Variants in OXSR1 observed in about 807,000 individuals in gnomAD.
OXSR1 encodes the protein serine/threonine-protein kinase OSR1.
Under a neutral mutation model 79.8 loss-of-function variants are expected in OXSR1, and 24 were observed. The observed-to-expected ratio is 0.30, with a 90% confidence interval of 0.22 to 0.42. The LOEUF is 0.42. Ranked by LOEUF, OXSR1 falls within the 10% of genes least tolerant of loss-of-function variation. The pLI is 1.00. For missense variants in OXSR1, 430 were observed against 618.4 expected (o/e 0.70, Z 3.23); for synonymous variants, 226 against 209.2 (o/e 1.08, Z -0.69).
At chr3:38,180,525 CTTTTTTTT>C (rs35081111) in intron 1 of OXSR1, among the ~76,000 whole-genome samples, 1 of 108,962 alleles carries the variant, frequency 9.2e-6, no homozygotes, top group Admixed American at 1.0e-4. Flanking sequence ...ATAGCTCCAA[CTTTTTTTT>C]TTTTTTTTTT....
intron 14 of OXSR1, among the ~76,000 whole-genome samples, chr3:38,249,647 T>C (rs553683513): frequency 1.3e-5 from 2 of 152,262 alleles, no homozygotes; most frequent in African/African-American, 4.8e-5. Flanking sequence ...CCTGTGCTCA[T>C]ACAATTTTCC....
chr3:38,242,852 T>C, intron 12 of OXSR1, 74 bp downstream of exon 12: 1 of 907,716 alleles, frequency 1.1e-6, no homozygotes. Context: ...GAAGTGCTTT[T>C]GTTTGTGCAT....
At chr3:38,179,793 T>G (rs1249525101) in intron 1 of OXSR1, among the ~76,000 whole-genome samples, 1 of 151,578 alleles carries the variant, frequency 6.6e-6, no homozygotes, top group Non-Finnish European at 1.5e-5. Context: ...CCATCTGCAT[T>G]TGATTGGAAA....
chr3:38,203,188 C>T lies in OXSR1; in HGVS notation c.434+4325C>T, dbSNP rs190827700. Reference sequence around the variant, plus strand: ...ATAAGTGCGTAGAAGAAAACGCTGACGTATGCTACTGTCTCTCTCTGCTTC... The same window carrying T: ...ATAAGTGCGTAGAAGAAAACGCTGATGTATGCTACTGTCTCTCTCTGCTTC... On this transcript the variant is annotated intron_variant, in intron 4 of 17. Transcript: ENST00000311806. 2.3e-3 allele frequency among the ~76,000 whole-genome samples: 356 copies of T among 152,302 alleles called. 2 individuals are homozygous for T. The highest frequency in any genetic ancestry group is 8.4e-3 in the African/African-American group (349 of 41,542).
chr3:38,218,350 C>T (rs1475808654), intron 5 of OXSR1, among the ~76,000 whole-genome samples: 1 of 151,816 alleles, frequency 6.6e-6, no homozygotes, highest in Non-Finnish European at 1.5e-5. Context: ...CAGGTGGTAG[C>T]CATTCTAAGG....
intron 4 of OXSR1, among the ~76,000 whole-genome samples, chr3:38,203,582 C>T (rs1702209342): frequency 6.6e-6 from 1 of 152,116 alleles, no homozygotes; most frequent in South Asian, 2.1e-4. Context: ...CTCTTATAGA[C>T]TCATAGTGGT....
At chr3:38,188,148 AG>A (rs1701917955) in intron 2 of OXSR1, among the ~76,000 whole-genome samples, 1 of 152,070 alleles carries the variant, frequency 6.6e-6, no homozygotes, top group Non-Finnish European at 1.5e-5. Context: ...AACCCTTTGT[AG>A]TACTCCCCTT....
chr3:38,221,835 A>C, intron 6 of OXSR1, 148 bp downstream of exon 6: 1 of 512,328 alleles, frequency 2.0e-6, no homozygotes. Context: ...TCCACCCTTG[A>C]AAAGAAAACA....
chr3:38,247,580 A>G, intron 13 of OXSR1, 88 bp from the exon 14 acceptor site: 1 of 923,106 alleles, frequency 1.1e-6, no homozygotes, highest in East Asian at 2.4e-5. Context: ...AATTGCTGCC[A>G]AGTAAATGAT....
At chr3:38,194,331 C>T (rs1702035615) in intron 3 of OXSR1, among the ~76,000 whole-genome samples, 1 of 152,112 alleles carries the variant, frequency 6.6e-6, no homozygotes, top group South Asian at 2.1e-4. Flanking sequence ...GGAAGGATTG[C>T]TTTAGGCCAG....
rs1488575546 is a variant in OXSR1, at chr3:38,253,636, G to A, written c.*745G>A. The A allele has an allele frequency of 1.3e-5, 2 of 152,560 alleles. No individual in the cohort carries two copies. Among genetic ancestry groups the A allele is most frequent in the Non-Finnish European group, 2.9e-5 (2 of 68,096 alleles). 9.5% of individuals were successfully genotyped at this position (152,560 alleles called of 1,614,324 possible). On this transcript the variant is annotated 3_prime_UTR_variant, in exon 18 of 18. Coordinates refer to ENST00000311806, the MANE Select transcript of OXSR1 (RefSeq NM_005109.3). ...TTGGATTGTTTTTACAGACAACATC[G>A]AGTAATGGCTTGTAAATGTGAATTT...
At chr3:38,214,400 A>G (rs1702444708) in intron 4 of OXSR1, among the ~76,000 whole-genome samples, 1 of 152,120 alleles carries the variant, frequency 6.6e-6, no homozygotes. Flanking sequence ...TAAGGAAGGG[A>G]GACAGACCTA....
At chr3:38,190,888 A>G in intron 3 of OXSR1, 49 bp downstream of exon 3, 1 of 1,025,720 alleles carries the variant, frequency 9.7e-7, no homozygotes, top group Non-Finnish European at 1.5e-6. Flanking sequence ...TTGAAAAGTT[A>G]GTAAAAGTTT....
At chr3:38,190,913 C>A in intron 3 of OXSR1, 74 bp downstream of exon 3, 2 of 818,916 alleles carry the variant, frequency 2.4e-6, no homozygotes, top group East Asian at 2.5e-5. Flanking sequence ...CTTTTCTATC[C>A]TGATTTCGTT....
At chr3:38,187,941 G>GT (rs1205632821) in intron 2 of OXSR1, among the ~76,000 whole-genome samples, 2 of 151,920 alleles carry the variant, frequency 1.3e-5, no homozygotes, top group East Asian at 3.9e-4. Flanking sequence ...ATTTAAGTCA[G>GT]TATTCATATA....
intron 12 of OXSR1, among the ~76,000 whole-genome samples, chr3:38,244,047 A>G (rs950778215): frequency 1.3e-5 from 2 of 152,202 alleles, no homozygotes; most frequent in African/African-American, 4.8e-5. Flanking sequence ...AGTGTGTCCA[A>G]TAAACAACTG....
intron 13 of OXSR1, among the ~76,000 whole-genome samples, chr3:38,246,969 T>C (rs1445981623): frequency 6.6e-6 from 1 of 152,132 alleles, no homozygotes; most frequent in Non-Finnish European, 1.5e-5. Context: ...TGATTTTTTT[T>C]TTTTTCTTTT....
intron 1 of OXSR1, among the ~76,000 whole-genome samples, chr3:38,180,269 A>G (rs1701757676): frequency 6.6e-6 from 1 of 152,152 alleles, no homozygotes; most frequent in Non-Finnish European, 1.5e-5. Context: ...GGACTCGTGC[A>G]GTTCAAGTTC....
At chr3:38,194,547 A>G (rs1385318993) in intron 3 of OXSR1, among the ~76,000 whole-genome samples, 1 of 152,196 alleles carries the variant, frequency 6.6e-6, no homozygotes, top group Non-Finnish European at 1.5e-5. Context: ...CTAAAAAAAA[A>G]TTAAAAATTA....
Sources: gnomAD v4.1 joint callset for allele counts (sites outside exome capture counted in the v4.1 genomes callset) on GRCh38, gnomAD v4.1.1 for gene constraint, MANE v1.5 for transcripts, NCBI Gene and HGNC (gene_info 2026-07-23, HGNC 2026-07-21) for gene names.